The following WNT9B variants were observed in gnomAD, a reference collection of about 807,000 sequenced individuals.
WNT9B encodes the protein Wnt family member 9B.
WNT9B carries 12 observed loss-of-function variants against 30.2 expected under a neutral mutation model. The ratio of observed to expected loss-of-function variants is 0.40; its 90% CI spans 0.26 to 0.64. The LOEUF (loss-of-function observed/expected upper bound fraction) is 0.64, where lower values mean the gene tolerates loss of function less well. WNT9B is among the 30% of genes least tolerant of loss of function. The pLI is 0.42. For synonymous variants in WNT9B, 218 were observed against 216.9 expected (o/e 1.01, Z -0.05); for missense variants, 442 against 485.2 (o/e 0.91, Z 0.84).
rs574292371 is a variant in WNT9B, at chr17:46,872,564, C to A, written c.125C>A (p.Ala42Glu). The A allele has an allele frequency of 1.3e-6, 2 of 1,589,430 alleles. No homozygotes were observed. Among genetic ancestry groups the A allele is most frequent in the Admixed American group, 1.7e-5 (1 of 58,074 alleles). Residue 42 changes from alanine to glutamate, a missense_variant, in exon 2 of 4, where the codon GCG becomes GAG. Coordinates refer to ENST00000290015, the MANE Select transcript of WNT9B (RefSeq NM_003396.3). Reference protein sequence around the residue: ...VLTPFPGLGTAAAPAQGGAHL... With the variant: ...VLTPFPGLGTEAAPAQGGAHL... ...ACGCCCTTCCCAGGATTGGGCACTG[C>A]GGCAGCCCCGGCACAGGGCGGGGCC...
intron 1 of WNT9B, among the ~76,000 whole-genome samples, chr17:46,834,022 C>T (rs537473520): frequency 1.3e-5 from 2 of 151,690 alleles, no homozygotes; most frequent in Non-Finnish European, 2.9e-5. Context: ...ATAGTGAGAC[C>T]CTGTCTCTGC....
At chr17:46,848,906 G>A (rs538686224), upstream of WNT9B, among the ~76,000 whole-genome samples, 1 of 151,210 alleles carries the variant, frequency 6.6e-6, no homozygotes, top group African/African-American at 2.4e-5. Context: ...GAGATTGTGA[G>A]CCAGGCCCGG....
At chr17:46,849,986 TAC>T (rs1362688705), upstream of WNT9B, among the ~76,000 whole-genome samples, 25 of 152,160 alleles carry the variant, frequency 1.6e-4, no homozygotes, top group African/African-American at 5.1e-4. Context: ...TAGCTGGGAT[TAC>T]AGGCATGCAC....
intron 2 of WNT9B, among the ~76,000 whole-genome samples, chr17:46,873,184 C>G (rs182659596): frequency 1.5e-4 from 23 of 152,052 alleles, no homozygotes; most frequent in South Asian, 1.3e-3. Flanking sequence ...ATTCCAGGCC[C>G]GATGACACGA....
chr17:46,862,050 C>T (rs2085046933), intron 1 of WNT9B, among the ~76,000 whole-genome samples: 1 of 151,416 alleles, frequency 6.6e-6, no homozygotes. Context: ...GTAATCCCAG[C>T]TACTTGGGAG....
chr17:46,885,091 C>A (rs780160936), downstream of WNT9B: 1 of 434,786 alleles, frequency 2.3e-6, no homozygotes, highest in Non-Finnish European at 4.7e-6. Context: ...CGGATTCAAG[C>A]GATTCTCCCG....
At chr17:46,839,957 T>TC (rs556453843) in intron 1 of WNT9B, among the ~76,000 whole-genome samples, 46 of 142,348 alleles carry the variant, frequency 3.2e-4, no homozygotes, top group African/African-American at 1.1e-3. Flanking sequence ...TCTTTCTTTC[T>TC]TTCTTTCTTT....
At chr17:46,855,221 G>T (rs1400253235) in intron 1 of WNT9B, among the ~76,000 whole-genome samples, 1 of 152,210 alleles carries the variant, frequency 6.6e-6, no homozygotes, top group Non-Finnish European at 1.5e-5. Context: ...CAGAGAGGCC[G>T]AAGGGGGTGA....
At position 46,876,866 on chromosome 17, in the gene WNT9B, C is replaced by T; in HGVS notation, c.*148C>T. 1 of 1,402,334 alleles carries T rather than the reference C, an allele frequency of 7.1e-7. No individual in the cohort carries two copies. Among genetic ancestry groups the T allele is most frequent in the Non-Finnish European group, 9.3e-7 (1 of 1,074,594 alleles). 86.9% of individuals were successfully genotyped at this position (1,402,334 alleles called of 1,614,324 possible). ...TGCACACGAGTGTGCCACTCACCAC[C>T]ATTCCTTGGCCAGCCTTTTGCCTCC... On this transcript the variant is annotated 3_prime_UTR_variant, in exon 4 of 4. Coordinates refer to ENST00000290015, the MANE Select transcript of WNT9B (RefSeq NM_003396.3).
chr17:46,883,278 G>A (rs542026723), downstream of WNT9B, among the ~76,000 whole-genome samples: 2 of 149,708 alleles, frequency 1.3e-5, no homozygotes, highest in Admixed American at 6.7e-5. Context: ...TACTGCGCCC[G>A]GCCTTTTTTT....
chr17:46,869,278 T>A (rs1454008532), intron 1 of WNT9B, among the ~76,000 whole-genome samples: 1 of 152,126 alleles, frequency 6.6e-6, no homozygotes, highest in African/African-American at 2.4e-5. Context: ...AGATGAAATT[T>A]AAAAAACAGA....
intron 1 of WNT9B, among the ~76,000 whole-genome samples, chr17:46,856,918 A>T (rs1047740812): frequency 4.6e-5 from 7 of 152,036 alleles, no homozygotes; most frequent in Non-Finnish European, 8.8e-5. Context: ...TTTGCAATCA[A>T]CCCTCTCCCA....
intron 1 of WNT9B, among the ~76,000 whole-genome samples, chr17:46,857,398 C>A (rs1338848369): frequency 6.6e-6 from 1 of 150,598 alleles, no homozygotes; most frequent in Non-Finnish European, 1.5e-5. Flanking sequence ...TCACTTGAAC[C>A]CAGGAGGCAG....
intron 1 of WNT9B, among the ~76,000 whole-genome samples, chr17:46,867,204 G>A (rs1255395598): frequency 6.6e-6 from 1 of 152,236 alleles, no homozygotes; most frequent in African/African-American, 2.4e-5. Flanking sequence ...TTGAGGGCAG[G>A]ACCGTGTCCC....
chr17:46,845,045 C>T (rs566948495), intron 1 of WNT9B, among the ~76,000 whole-genome samples: 2 of 152,298 alleles, frequency 1.3e-5, no homozygotes, highest in African/African-American at 2.4e-5. Flanking sequence ...GATGGGGTTT[C>T]ACCATGTTGA....
chr17:46,872,803 G>T, intron 2 of WNT9B, 30 bp downstream of exon 2: 1 of 1,434,780 alleles, frequency 7.0e-7, no homozygotes, highest in South Asian at 1.2e-5. Context: ...GACGGGGAGG[G>T]CTGGGGGAAG....
chr17:46,872,800 A>G (rs1180541363), intron 2 of WNT9B, 27 bp downstream of exon 2: 124 of 891,816 alleles, frequency 1.4e-4, no homozygotes, highest in South Asian at 2.3e-4. Flanking sequence ...GGGGACGGGG[A>G]GGGCTGGGGG....
chr17:46,881,609 T>C (rs73316360), downstream of WNT9B, among the ~76,000 whole-genome samples: 1,033 of 152,282 alleles, frequency 6.8e-3, 12 homozygotes, highest in African/African-American at 0.023. Flanking sequence ...TGAGCCTTAC[T>C]TTGTTCCTGC....
intron 1 of WNT9B, among the ~76,000 whole-genome samples, chr17:46,855,202 C>T (rs1240006261): frequency 6.6e-6 from 1 of 152,224 alleles, no homozygotes; most frequent in Non-Finnish European, 1.5e-5. Flanking sequence ...CCCAGGGCAG[C>T]AGTGGCTGCA....
Sources: gnomAD v4.1 joint callset for allele counts (sites outside exome capture counted in the v4.1 genomes callset) on GRCh38, gnomAD v4.1.1 for gene constraint, MANE v1.5 for transcripts, NCBI Gene and HGNC (gene_info 2026-07-23, HGNC 2026-07-21) for gene names.